HIVEP3: variants seen among roughly 807,000 people sequenced by gnomAD.
The protein encoded by HIVEP3 is HIVEP zinc finger 3.
A neutral mutation model predicts 152.8 loss-of-function variants in HIVEP3; 49 were observed. The observed-to-expected ratio is 0.32, with a 90% CI of 0.26 to 0.41. The LOEUF (loss-of-function observed/expected upper bound fraction) is 0.41, where lower values mean the gene tolerates loss of function less well. Ranked by LOEUF, HIVEP3 falls within the 10% of genes least tolerant of loss-of-function variation. The pLI, the probability that HIVEP3 is intolerant of heterozygous loss-of-function variation, is 1.00. For missense variants in HIVEP3, 2,790 were observed against 3,103.3 expected, an observed-to-expected ratio of 0.90 and a Z score of 2.40; for synonymous variants, 1,269 against 1,289.0, an observed-to-expected ratio of 0.98 and a Z score of 0.33.
chr1:41,617,537 G>A (rs547973817), intron 3 of HIVEP3, among the ~76,000 whole-genome samples: 9 of 152,344 alleles, frequency 5.9e-5, no homozygotes, highest in African/African-American at 2.2e-4. Context: ...TGCTCCTGAG[G>A]GCTGGTCCAG....
At chr1:41,617,230 A>C (rs1161654966) in intron 3 of HIVEP3, among the ~76,000 whole-genome samples, 1 of 121,534 alleles carries the variant, frequency 8.2e-6, no homozygotes, top group East Asian at 2.5e-4. Context: ...CTTTATACAC[A>C]TATCTTTACA....
chr1:41,546,159 C>G (rs992550693), intron 5 of HIVEP3, among the ~76,000 whole-genome samples: 47 of 152,188 alleles, frequency 3.1e-4, no homozygotes, highest in African/African-American at 1.0e-3. Context: ...CGGGTGACTA[C>G]AGCTGGAACA....
chr1:41,853,942 A>G (rs2124386724), intron 1 of HIVEP3, among the ~76,000 whole-genome samples: 1 of 152,282 alleles, frequency 6.6e-6, no homozygotes, highest in East Asian at 1.9e-4. Context: ...GGAGAAGGCC[A>G]GAGGAGCTCA....
chr1:41,560,534 G>A (rs1306798480), intron 5 of HIVEP3, among the ~76,000 whole-genome samples: 1 of 152,164 alleles, frequency 6.6e-6, no homozygotes, highest in Non-Finnish European at 1.5e-5. Flanking sequence ...CACTAAGCAG[G>A]GAAGATGTGG....
At chr1:41,932,376 G>C (rs1645000471) in intron 1 of HIVEP3, among the ~76,000 whole-genome samples, 1 of 151,774 alleles carries the variant, frequency 6.6e-6, no homozygotes, top group African/African-American at 2.4e-5. Flanking sequence ...GATTATTGAA[G>C]ATATAATATT....
intron 5 of HIVEP3, among the ~76,000 whole-genome samples, chr1:41,529,447 C>T (rs1643163415): frequency 9.9e-6 from 1 of 100,616 alleles, no homozygotes; most frequent in Admixed American, 9.6e-5. Flanking sequence ...GCTCACACCC[C>T]ACACCCTCAC....
At chr1:41,541,693 G>C (rs190558837) in intron 5 of HIVEP3, among the ~76,000 whole-genome samples, 1 of 152,308 alleles carries the variant, frequency 6.6e-6, no homozygotes, top group East Asian at 1.9e-4. Flanking sequence ...TTACCAGACA[G>C]AACTCCTGAG....
At chr1:41,565,576 C>T (rs905876787) in intron 5 of HIVEP3, among the ~76,000 whole-genome samples, 1 of 151,452 alleles carries the variant, frequency 6.6e-6, no homozygotes, top group Non-Finnish European at 1.5e-5. Flanking sequence ...AGAGGGCAAG[C>T]GAGCACATAT....
intron 2 of HIVEP3, among the ~76,000 whole-genome samples, chr1:41,660,627 G>A (rs367578402): frequency 3.3e-5 from 5 of 152,310 alleles, no homozygotes; most frequent in East Asian, 3.9e-4. Context: ...GGTTGCAACT[G>A]TACAACACTA....
chr1:41,721,089 G>A (rs1004007042), intron 1 of HIVEP3, among the ~76,000 whole-genome samples: 6 of 152,200 alleles, frequency 3.9e-5, no homozygotes, highest in African/African-American at 7.2e-5. Context: ...GTTCAGTTAA[G>A]CAAGTTGACT....
At chr1:41,606,039 T>C (rs777971775) in intron 3 of HIVEP3, among the ~76,000 whole-genome samples, 8 of 152,016 alleles carry the variant, frequency 5.3e-5, no homozygotes, top group Non-Finnish European at 8.8e-5. Flanking sequence ...TCTCAAATTA[T>C]TAATCTCTCT....
chr1:41,514,946 C>G (rs1292152565), intron 7 of HIVEP3, among the ~76,000 whole-genome samples: 1 of 152,222 alleles, frequency 6.6e-6, no homozygotes, highest in Non-Finnish European at 1.5e-5. Flanking sequence ...CCAGTCGGGT[C>G]ACCTCTAACA....
chr1:41,918,052 C>T lies in HIVEP3; in HGVS notation c.-801+361G>A, dbSNP rs1023903415. On this transcript the variant is annotated intron_variant, in intron 1 of 8. Coordinates refer to ENST00000372583, the MANE Select transcript of HIVEP3 (RefSeq NM_024503.5). This position sits in a 1 kb window ranked among gnomAD's most constrained non-coding sequence, Gnocchi z 4.3. ...GCCGCCAGTGCGCGGGTGCAGAGCC[C>T]AGCAGAGCCTGCTGCAAGCAGCGCT... Among the ~76,000 whole-genome samples, 2 of 152,214 alleles carry T rather than the reference C, an allele frequency of 1.3e-5. No homozygotes were observed. The highest frequency in any genetic ancestry group is 2.9e-5 in the Non-Finnish European group (2 of 68,028).
intron 1 of HIVEP3, among the ~76,000 whole-genome samples, chr1:41,751,324 A>ATTTTT (rs35864189): frequency 0.016 from 1,623 of 104,502 alleles, 150 homozygotes; most frequent in East Asian, 0.035. Context: ...ACTGACACAC[A>ATTTTT]TTTTTTTTTT....
At chr1:41,979,481 A>G (rs982620960) in intron 1 of HIVEP3, among the ~76,000 whole-genome samples, 2 of 152,206 alleles carry the variant, frequency 1.3e-5, no homozygotes, top group Non-Finnish European at 2.9e-5. Context: ...CTGGACTCAA[A>G]AAGGCCAAAG....
At chr1:41,640,937 T>C (rs531776834) in intron 2 of HIVEP3, among the ~76,000 whole-genome samples, 429 of 152,330 alleles carry the variant, frequency 2.8e-3, no homozygotes, top group Admixed American at 6.1e-3. Flanking sequence ...TGTGGCCTTC[T>C]TCGAGTCCTT....
chr1:41,813,328 C>T (rs1339902379), intron 1 of HIVEP3, among the ~76,000 whole-genome samples: 1 of 152,186 alleles, frequency 6.6e-6, no homozygotes, highest in African/African-American at 2.4e-5. Flanking sequence ...ACACTAGGCG[C>T]CAATCTTGCC....
intron 1 of HIVEP3, among the ~76,000 whole-genome samples, chr1:41,764,440 G>A (rs1320783695): frequency 6.6e-6 from 1 of 152,210 alleles, no homozygotes; most frequent in Non-Finnish European, 1.5e-5. Flanking sequence ...ATGAGGACAG[G>A]AGAAGCGAAA....
chr1:41,565,462 C>A (rs1381500451), intron 5 of HIVEP3, among the ~76,000 whole-genome samples: 1 of 151,674 alleles, frequency 6.6e-6, no homozygotes, highest in Non-Finnish European at 1.5e-5. Flanking sequence ...TTTCCCACAA[C>A]AAAATCTATG....
Sources: allele counts gnomAD v4.1 joint callset (sites outside exome capture counted in the v4.1 genomes callset), GRCh38; gene constraint gnomAD v4.1.1; non-coding constraint Gnocchi (gnomAD v3.1); transcripts MANE v1.5; gene names NCBI Gene and HGNC (gene_info 2026-07-23, HGNC 2026-07-21).